The following ABCA13 variants were observed in gnomAD, a reference collection of about 807,000 sequenced individuals.
ABCA13 encodes ATP binding cassette subfamily A member 13.
A neutral mutation model predicts 478.7 loss-of-function variants in ABCA13; 476 were observed. That is an observed-to-expected ratio of 0.99 (90% CI 0.92 to 1.07). The LOEUF (loss-of-function observed/expected upper bound fraction) is 1.07, where lower values mean the gene tolerates loss of function less well. Ranked by LOEUF, ABCA13 falls within the 50% of genes least tolerant of loss-of-function variation. The pLI, the probability that ABCA13 is intolerant of heterozygous loss-of-function variation, is 0.00. For synonymous variants in ABCA13, 2,252 were observed against 2,158.9 expected (o/e 1.04, Z -1.20); for missense variants, 6,060 against 5,910.6 (o/e 1.03, Z -0.83).
intron 55 of ABCA13, among the ~76,000 whole-genome samples, chr7:48,557,957 T>G (rs1786015353): frequency 1.3e-5 from 2 of 152,248 alleles, no homozygotes; most frequent in South Asian, 4.1e-4. Context: ...GAGGCTATTT[T>G]CTAAATCTTA....
intron 55 of ABCA13, among the ~76,000 whole-genome samples, chr7:48,539,499 A>T (rs190347139): frequency 6.6e-6 from 1 of 152,250 alleles, no homozygotes; most frequent in African/African-American, 2.4e-5. Context: ...AGGAAAAGAG[A>T]CAGAATTTAT....
At chr7:48,543,004 T>C (rs1303539286) in intron 55 of ABCA13, among the ~76,000 whole-genome samples, 1 of 151,740 alleles carries the variant, frequency 6.6e-6, no homozygotes, top group Non-Finnish European at 1.5e-5. Flanking sequence ...ATAAAAAAGG[T>C]AGTATACACA....
chr7:48,587,320 A>G, intron 57 of ABCA13, 32 bp downstream of exon 57: 2 of 1,568,236 alleles, frequency 1.3e-6, no homozygotes, highest in Non-Finnish European at 1.7e-6. Context: ...TCTTGGAGTA[A>G]GATACATATT....
At chr7:48,553,335 G>A (rs1405708088) in intron 55 of ABCA13, among the ~76,000 whole-genome samples, 1 of 152,066 alleles carries the variant, frequency 6.6e-6, no homozygotes. Context: ...ACCTAGGAGT[G>A]AGATTGCTAG....
chr7:48,269,034 G>T lies in ABCA13; in HGVS notation c.2060G>T (p.Ser687Ile), dbSNP rs779479172. 15 of 1,604,634 alleles carry T rather than the reference G, an allele frequency of 9.3e-6. No homozygotes were observed. The highest frequency in any genetic ancestry group is 4.0e-5 in the African/African-American group (3 of 74,656). Reference sequence around the variant, plus strand: ...GAAAACATGGATTGGAAAATGATCAGTGATAATTATTTTCAATTTTTGAAT... The same window carrying T: ...GAAAACATGGATTGGAAAATGATCATTGATAATTATTTTCAATTTTTGAAT... The part of the protein sequence containing the change: ...FEENMDWKMI[S>I]DNYFQFLNNL... The change falls in exon 16 of 62, where the codon AGT (serine) becomes ATT (isoleucine). Residue 687 changes from serine to isoleucine, a missense_variant. Around this residue, in one of 3 missense-constraint regions of ABCA13, gnomAD observed 4,423 missense variants for 4,309.1 expected, o/e 1.03. Coordinates refer to ENST00000435803, the MANE Select transcript of ABCA13 (RefSeq NM_152701.5).
intron 32 of ABCA13, among the ~76,000 whole-genome samples, chr7:48,370,947 A>G (rs146960647): frequency 9.8e-5 from 15 of 152,320 alleles, no homozygotes; most frequent in Admixed American, 3.9e-4. Context: ...TCTTGAGTTA[A>G]GTTTTATATA....
In ABCA13 at chr7:48,347,769, A is replaced by C. The variant is rs910567757; in HGVS notation, c.10205-2874A>C. ...TGGAGTCTTAAAGCAAGATAAAGGCAGTGGAGTTTGTCTCCTCCTCTACTG... is the reference window on the plus strand; with the variant it reads ...TGGAGTCTTAAAGCAAGATAAAGGCCGTGGAGTTTGTCTCCTCCTCTACTG... On this transcript the variant is annotated intron_variant, in intron 29 of 61. Transcript: ENST00000435803. Among the ~76,000 whole-genome samples the C allele has an allele frequency of 5.3e-5, 8 of 152,250 alleles. 1 individual carries two copies. Among genetic ancestry groups the C allele is most frequent in the Non-Finnish European group, 1.0e-4 (7 of 68,046 alleles).
Position 48,310,149 on chromosome 7 carries a change from G to C in ABCA13, c.9516+8G>C. The stretch of plus-strand genomic sequence containing the variant: ...CGAGCTTTCATTTACAAGGTATGGA[G>C]AGCATGCTGGCTGGGGGCAGTCCTC... On this transcript the variant is annotated splice_region_variant and intron_variant, in intron 24 of 61. Coordinates refer to ENST00000435803, the MANE Select transcript of ABCA13 (RefSeq NM_152701.5). The C allele has an allele frequency of 6.3e-7, 1 of 1,597,238 alleles. No homozygotes were observed. The highest frequency in any genetic ancestry group is 1.1e-5 in the South Asian group (1 of 87,850).
At chr7:48,239,468 C>CCAAA in intron 9 of ABCA13, 63 bp downstream of exon 9, 1 of 1,503,246 alleles carries the variant, frequency 6.7e-7, no homozygotes, top group African/African-American at 1.4e-5. Flanking sequence ...CAAATCCATT[C>CCAAA]TCCTCCCCTG....
At chr7:48,197,863 A>C (rs776831284) in intron 2 of ABCA13, among the ~76,000 whole-genome samples, 1 of 152,220 alleles carries the variant, frequency 6.6e-6, no homozygotes. Flanking sequence ...TTTTTATATG[A>C]GATGGGAAGA....
chr7:48,277,409 T>G (rs921724757), intron 17 of ABCA13, among the ~76,000 whole-genome samples: 1 of 152,242 alleles, frequency 6.6e-6, no homozygotes, highest in African/African-American at 2.4e-5. Context: ...AGAGTTTTCC[T>G]GGCCCACTCA....
chr7:48,218,064 A>G (rs1786761673), intron 3 of ABCA13, among the ~76,000 whole-genome samples: 1 of 152,246 alleles, frequency 6.6e-6, no homozygotes. Flanking sequence ...TTTTTCTGCT[A>G]TAAACATTTC....
chr7:48,278,091 C>T lies in ABCA13; in HGVS notation c.6900-3C>T. On this transcript the variant is annotated splice_polypyrimidine_tract_variant and splice_region_variant and intron_variant, in intron 17 of 61. Transcript: ENST00000435803. ...AAAAGTATATATATATATATATTTA[C>T]AGTTTTGTCCCAAAAGATAAAATTC... 8.7e-7 allele frequency: 1 copy of T among 1,144,086 alleles called. No homozygotes were observed. The highest frequency in any genetic ancestry group is 1.2e-6 in the Non-Finnish European group (1 of 859,438). The allele number at this position is 1,144,086 out of a possible 1,614,324, so 70.9% of individuals were successfully genotyped here.
At chr7:48,507,345 T>C (rs7778846) in intron 49 of ABCA13, among the ~76,000 whole-genome samples, 73,852 of 152,078 alleles carry the variant, frequency 0.49, 20,392 homozygotes, top group African/African-American at 0.76. Flanking sequence ...AGTAGTAGTG[T>C]TCCAGGTAAA....
Position 48,644,762 on chromosome 7 carries a change from A to G in ABCA13, c.15081+8A>G. The G allele has an allele frequency of 6.3e-7, 1 of 1,577,642 alleles. No homozygotes were observed. Among genetic ancestry groups the G allele is most frequent in the Non-Finnish European group, 8.6e-7 (1 of 1,166,214 alleles). ...CAAACCACTTTGGAGCAGGTATAGT[A>G]TCTTGAATGATTCAGGAGGTTGAAT... On this transcript the variant is annotated splice_region_variant and intron_variant, in intron 61 of 61. Transcript: ENST00000435803.
At chr7:48,298,552 C>G in intron 23 of ABCA13, 65 bp downstream of exon 23, 1 of 1,555,016 alleles carries the variant, frequency 6.4e-7, no homozygotes, top group Non-Finnish European at 8.7e-7. Context: ...AAGTCACTGG[C>G]ACTGTGTTGT....
intron 55 of ABCA13, among the ~76,000 whole-genome samples, chr7:48,566,684 A>AT (rs1384166686): frequency 1.3e-5 from 2 of 152,158 alleles, no homozygotes; most frequent in Non-Finnish European, 2.9e-5. Context: ...CATCTGGATT[A>AT]TAAGAAGACA....
intron 42 of ABCA13, among the ~76,000 whole-genome samples, chr7:48,437,635 T>C (rs1823021376): frequency 6.6e-6 from 1 of 152,114 alleles, no homozygotes; most frequent in South Asian, 2.1e-4. Context: ...AAACTATTTC[T>C]CCTTTTAATG....
intron 9 of ABCA13, among the ~76,000 whole-genome samples, chr7:48,240,136 T>A (rs1790595095): frequency 6.6e-6 from 1 of 152,224 alleles, no homozygotes; most frequent in South Asian, 2.1e-4. Context: ...GTGTCATGTA[T>A]AAAGGCCAAA....
Sources: gnomAD v4.1 joint callset for allele counts (sites outside exome capture counted in the v4.1 genomes callset) on GRCh38, gnomAD v4.1.1 for gene constraint, gnomAD v4.1.1 regional missense constraint, MANE v1.5 for transcripts, NCBI Gene and HGNC (gene_info 2026-07-23, HGNC 2026-07-21) for gene names.